LRRC37A2: variants seen among roughly 807,000 people sequenced by gnomAD.
The protein encoded by LRRC37A2 is leucine rich repeat containing 37 member A2, also known as leucine-rich repeat-containing protein 37A2.
In LRRC37A2, 9 loss-of-function variants were observed where a neutral mutation model predicts 68.8. The observed-to-expected ratio is 0.13, with a 90% CI of 0.08 to 0.23. The LOEUF (loss-of-function observed/expected upper bound fraction) is 0.23. Ranked by LOEUF, LRRC37A2 falls within the 10% of genes least tolerant of loss-of-function variation. The pLI, the probability that LRRC37A2 is intolerant of heterozygous loss-of-function variation, is 1.00. For missense variants in LRRC37A2, 168 were observed against 950.4 expected, an observed-to-expected ratio of 0.18 and a Z score of 10.82; for synonymous variants, 63 against 367.6, an observed-to-expected ratio of 0.17 and a Z score of 9.48.
chr17:46,742,199 C>T, the LRRC37A2 span, among the ~76,000 whole-genome samples: 22,630 of 152,084 alleles, frequency 0.15, 1,992 homozygotes, highest in Non-Finnish European at 0.2. Flanking sequence ...GCATACATGC[C>T]GTTCATTCTA....
chr17:46,989,499 T>C, the LRRC37A2 span, among the ~76,000 whole-genome samples: 15,217 of 152,260 alleles, frequency 0.1, 856 homozygotes, highest in South Asian at 0.22. Context: ...GGATGCATGA[T>C]TGAGGCTGAG....
At chr17:46,834,470 G>A in the LRRC37A2 span, among the ~76,000 whole-genome samples, 2 of 152,176 alleles carry the variant, frequency 1.3e-5, no homozygotes, top group Non-Finnish European at 2.9e-5. Context: ...TAGGCCTGCC[G>A]AGGCATGGCT....
chr17:47,014,817 A>G, the LRRC37A2 span, among the ~76,000 whole-genome samples: 11 of 152,060 alleles, frequency 7.2e-5, no homozygotes, highest in Non-Finnish European at 1.5e-4. Context: ...CCTTTCAAAT[A>G]TGGCTTATTG....
At chr17:46,973,862 A>AT in the LRRC37A2 span, among the ~76,000 whole-genome samples, 1 of 152,214 alleles carries the variant, frequency 6.6e-6, no homozygotes, top group African/African-American at 2.4e-5. Context: ...GGAATGCTGG[A>AT]TGGGGGCCAT....
the LRRC37A2 span, among the ~76,000 whole-genome samples, chr17:46,856,074 T>C: frequency 6.6e-6 from 1 of 152,258 alleles, no homozygotes; most frequent in African/African-American, 2.4e-5. Context: ...TAATTAACTT[T>C]GGTGATGTTT....
the LRRC37A2 span, among the ~76,000 whole-genome samples, chr17:46,496,627 A>C: frequency 4.3e-5 from 4 of 91,964 alleles, no homozygotes; most frequent in African/African-American, 1.1e-4. Flanking sequence ...AAAACAAAAC[A>C]AAACAGGCCT....
chr17:46,926,945 T>G, the LRRC37A2 span, among the ~76,000 whole-genome samples: 3 of 152,238 alleles, frequency 2.0e-5, no homozygotes, highest in South Asian at 6.2e-4. Context: ...GGTCATAGCA[T>G]GGACACATGC....
chr17:47,025,415 A>G, the LRRC37A2 span, among the ~76,000 whole-genome samples: 1 of 152,188 alleles, frequency 6.6e-6, no homozygotes, highest in African/African-American at 2.4e-5. Flanking sequence ...AATTATATCA[A>G]TAATATTATC....
chr17:47,008,523 A>G, the LRRC37A2 span, among the ~76,000 whole-genome samples: 1 of 151,478 alleles, frequency 6.6e-6, no homozygotes, highest in African/African-American at 2.4e-5. Flanking sequence ...CAGTAGCACA[A>G]TCTTGGCTCA....
At chr17:46,869,098 G>A in the LRRC37A2 span, among the ~76,000 whole-genome samples, 1 of 152,170 alleles carries the variant, frequency 6.6e-6, no homozygotes, top group East Asian at 1.9e-4. Context: ...GCAGTGCCAG[G>A]GAGCCTTCTT....
At chr17:46,779,453 T>C in the LRRC37A2 span, among the ~76,000 whole-genome samples, 1 of 152,110 alleles carries the variant, frequency 6.6e-6, no homozygotes, top group Non-Finnish European at 1.5e-5. Flanking sequence ...CCTAGGACCC[T>C]GCCACCCTCC....
At chr17:46,492,604 T>G in the LRRC37A2 span, among the ~76,000 whole-genome samples, 1 of 150,372 alleles carries the variant, frequency 6.7e-6, no homozygotes, top group African/African-American at 2.5e-5. Flanking sequence ...AGCTGTACCA[T>G]TTTGCATTCT....
chr17:46,848,849 A>G, the LRRC37A2 span, among the ~76,000 whole-genome samples: 1 of 152,122 alleles, frequency 6.6e-6, no homozygotes, highest in African/African-American at 2.4e-5. Flanking sequence ...CATCTGTGCA[A>G]TGGAGTTATG....
At chr17:46,973,648 C>T in the LRRC37A2 span, among the ~76,000 whole-genome samples, 1 of 152,188 alleles carries the variant, frequency 6.6e-6, no homozygotes, top group African/African-American at 2.4e-5. Context: ...GGCTGGGACA[C>T]CTGCCCCGTC....
chr17:46,964,067 C>G, the LRRC37A2 span: 1 of 152,248 alleles, frequency 6.6e-6, no homozygotes, highest in Non-Finnish European at 1.5e-5. Context: ...CCCACCTCAG[C>G]CTCCCAAAGT....
chr17:46,888,547 A>ACAGT, the LRRC37A2 span, among the ~76,000 whole-genome samples: 3 of 152,112 alleles, frequency 2.0e-5, no homozygotes, highest in African/African-American at 2.4e-5. Context: ...AGTTTACACT[A>ACAGT]ATCCAATCCT....
chr17:46,491,565 G>GA, the LRRC37A2 span, among the ~76,000 whole-genome samples: 3 of 139,748 alleles, frequency 2.1e-5, no homozygotes, highest in Non-Finnish European at 4.5e-5. Flanking sequence ...AAAGAAAAAA[G>GA]AAAAAAATTG....
the LRRC37A2 span, among the ~76,000 whole-genome samples, chr17:46,991,914 C>G: frequency 6.6e-6 from 1 of 152,194 alleles, no homozygotes; most frequent in Admixed American, 6.5e-5. Flanking sequence ...CCTGCAAAGG[C>G]CAAAACAAAT....
chr17:46,545,879 C>G lies in LRRC37A2; in HGVS notation c.3054-376C>G, dbSNP rs567970783. On this transcript the variant is annotated intron_variant, in intron 8 of 14. Transcript: ENST00000576629. The stretch of plus-strand genomic sequence containing the variant: ...AATTTATAATATTTCCCACTCCCAA[C>G]AGGAATTGAGAAAGGGACTCCAGAA... 2.5e-3 allele frequency among the ~76,000 whole-genome samples: 374 copies of G among 150,380 alleles called. 9 individuals are homozygous for G. The highest frequency in any genetic ancestry group is 9.1e-3 in the African/African-American group (361 of 39,810).
Sources: gnomAD v4.1 joint callset for allele counts (sites outside exome capture counted in the v4.1 genomes callset) on GRCh38, gnomAD v4.1.1 for gene constraint, MANE v1.5 for transcripts, NCBI Gene and HGNC (gene_info 2026-07-23, HGNC 2026-07-21) for gene names.